CPB2: variants seen among roughly 807,000 people sequenced by gnomAD.
CPB2 encodes carboxypeptidase B2.
A neutral mutation model predicts 57.0 loss-of-function variants in CPB2; 54 were observed. The ratio of observed to expected loss-of-function variants is 0.95; its 90% CI spans 0.76 to 1.19. The LOEUF (loss-of-function observed/expected upper bound fraction) is 1.19. Ranked by LOEUF, CPB2 falls within the 50% of genes most tolerant of loss-of-function variation. The pLI, the probability that CPB2 is intolerant of heterozygous loss-of-function variation, is 0.00. For missense variants in CPB2, 426 were observed against 512.0 expected, an observed-to-expected ratio of 0.83 and a Z score of 1.62; for synonymous variants, 189 against 178.1, an observed-to-expected ratio of 1.06 and a Z score of -0.49.
intron 6 of CPB2, 54 bp from the exon 7 acceptor site, chr13:46,067,471 AG>A: frequency 1.1e-6 from 1 of 894,908 alleles, no homozygotes; most frequent in Non-Finnish European, 1.8e-6. Context: ...TTCTAAACTT[AG>A]TGTGTTTCTT....
chr13:46,072,929 T>C (rs2044965228), intron 6 of CPB2, among the ~76,000 whole-genome samples: 1 of 152,186 alleles, frequency 6.6e-6, no homozygotes, highest in Admixed American at 6.5e-5. Context: ...GGAATCATCC[T>C]CATTTGGCCA....
chr13:46,065,129 C>T (rs1054154447), intron 7 of CPB2, among the ~76,000 whole-genome samples: 5 of 152,192 alleles, frequency 3.3e-5, no homozygotes, highest in African/African-American at 4.8e-5. Context: ...AACTTTGTGT[C>T]TCAACTGAAC....
chr13:46,064,605 T>C lies in CPB2; in HGVS notation c.796+43A>G, dbSNP rs765802960. 26 of 1,490,240 alleles carry C rather than the reference T, an allele frequency of 1.7e-5. 1 individual carries two copies. In the South Asian group the frequency reaches 2.9e-4, roughly 17 times the overall value. The allele number at this position is 1,490,240 out of a possible 1,614,324, so 92.3% of individuals were successfully genotyped here. A position where few individuals can be genotyped will look rare whatever the true frequency, so the allele number is the denominator to read the frequency against. ...GGGCCTTTCCCTGTGAACATCACCC[T>C]TTCAGTGAAGAGACATTGCAAGAAA... On this transcript the variant is annotated intron_variant, in intron 8 of 10. Coordinates refer to ENST00000181383, the MANE Select transcript of CPB2 (RefSeq NM_001872.5).
intron 1 of CPB2, among the ~76,000 whole-genome samples, chr13:46,102,445 G>A (rs1036862545): frequency 6.6e-6 from 1 of 151,002 alleles, no homozygotes; most frequent in African/African-American, 2.4e-5. Context: ...TGTTGTTCCA[G>A]GGCATTTCAC....
At position 46,053,775 on chromosome 13, in the gene CPB2, C is replaced by T. The variant is rs756837252; in HGVS notation, c.1111G>A (p.Asp371Asn). 1 of 1,613,974 alleles carries T rather than the reference C, an allele frequency of 6.2e-7. No individual in the cohort carries two copies. The highest frequency in any genetic ancestry group is 8.5e-7 in the Non-Finnish European group (1 of 1,179,914). Residue 371 changes from aspartate (D) to asparagine (N), a missense_variant, in exon 11 of 11, where the codon GAT becomes AAT. By Grantham distance (23) the Asp-to-Asn change is conservative (BLOSUM62 1). Coordinates refer to ENST00000181383, the MANE Select transcript of CPB2 (RefSeq NM_001872.5). ...TTGATGCCCAAATCATAGATCCAAT[C>T]GTCCCCACCTCCAGGAGCTAGGTCT... The part of the protein sequence containing the change: ...TLYLAPGGGD[D>N]WIYDLGIKYS...
intron 5 of CPB2, among the ~76,000 whole-genome samples, chr13:46,077,179 AG>A (rs1349885101): frequency 6.6e-6 from 1 of 152,210 alleles, no homozygotes; most frequent in Non-Finnish European, 1.5e-5. Context: ...TCCAGCCAAC[AG>A]GGACTTAATA....
At chr13:46,094,349 C>A (rs1274146682) in intron 1 of CPB2, among the ~76,000 whole-genome samples, 1 of 152,348 alleles carries the variant, frequency 6.6e-6, no homozygotes, top group Non-Finnish European at 1.5e-5. Context: ...AAGGAACTAA[C>A]TAGAATGTTA....
At chr13:46,085,175 C>A (rs2045183772) in intron 2 of CPB2, among the ~76,000 whole-genome samples, 1 of 152,114 alleles carries the variant, frequency 6.6e-6, no homozygotes, top group Non-Finnish European at 1.5e-5. Flanking sequence ...ACACTCATTT[C>A]CTTTGATATT....
intron 8 of CPB2, among the ~76,000 whole-genome samples, chr13:46,063,632 T>C (rs1258111795): frequency 6.6e-6 from 1 of 152,176 alleles, no homozygotes; most frequent in Non-Finnish European, 1.5e-5. Context: ...AATGAACATA[T>C]GATTGCATGT....
chr13:46,084,427 T>C (rs775061486), intron 2 of CPB2, 84 bp from the exon 3 acceptor site: 254 of 1,482,590 alleles, frequency 1.7e-4, no homozygotes, highest in Non-Finnish European at 2.3e-4. Context: ...ATGACAGTTT[T>C]ATCTATAAGG....
chr13:46,085,334 G>A lies in CPB2; in HGVS notation c.151-991C>T, dbSNP rs540058010. Among the ~76,000 whole-genome samples the A allele has an allele frequency of 5.3e-5, 8 of 152,306 alleles. 1 individual carries two copies. In the South Asian group the frequency reaches 1.7e-3, roughly 32 times the overall value. On this transcript the variant is annotated intron_variant, in intron 2 of 10. Transcript: ENST00000181383. ...TAAATCTCAGATGCTTCCTCTTGTA[G>A]TATTTCCTCTTTACCATGATGTGGT...
chr13:46,077,874 G>A (rs2045047536), intron 5 of CPB2, among the ~76,000 whole-genome samples: 1 of 151,874 alleles, frequency 6.6e-6, no homozygotes, highest in Non-Finnish European at 1.5e-5. Flanking sequence ...CTGATATGGG[G>A]AGTGGAAAAC....
At chr13:46,087,698 CT>C (rs2045231206) in intron 2 of CPB2, 46 bp downstream of exon 2, 2 of 1,309,570 alleles carry the variant, frequency 1.5e-6, no homozygotes, top group Admixed American at 3.5e-5. Flanking sequence ...ACACCCAGTG[CT>C]TATACAAAGT....
intron 1 of CPB2, among the ~76,000 whole-genome samples, chr13:46,096,100 C>T (rs542511303): frequency 3.4e-4 from 52 of 151,890 alleles, no homozygotes; most frequent in Middle Eastern, 3.4e-3. Flanking sequence ...AGGCTGGTCT[C>T]GAACTCCTGA....
intron 3 of CPB2, among the ~76,000 whole-genome samples, chr13:46,083,742 G>A (rs1280626586): frequency 6.6e-6 from 1 of 152,168 alleles, no homozygotes. Flanking sequence ...AGGTGGTAAG[G>A]GGCAGTGCCA....
Position 46,078,261 on chromosome 13 carries a change from T to A in CPB2, c.486+539A>T, listed in dbSNP as rs113537993. 7.1e-3 allele frequency among the ~76,000 whole-genome samples: 1,077 copies of A among 152,342 alleles called. 5 individuals are homozygous for A. The highest frequency in any genetic ancestry group is 0.012 in the Non-Finnish European group (817 of 68,024). On this transcript the variant is annotated intron_variant, in intron 5 of 10. Coordinates refer to ENST00000181383, the MANE Select transcript of CPB2 (RefSeq NM_001872.5). ...CATCAAAAAGCTGCACCACTTTTTT[T>A]AATTTTTAATTTTATTTTTTCAAGT...
chr13:46,074,595 C>A (rs1328097878), intron 5 of CPB2, among the ~76,000 whole-genome samples: 2 of 152,146 alleles, frequency 1.3e-5, no homozygotes, highest in Non-Finnish European at 2.9e-5. Flanking sequence ...CAATAATAGC[C>A]TTTGATGTCT....
At chr13:46,074,387 C>T (rs962153746) in intron 5 of CPB2, among the ~76,000 whole-genome samples, 2 of 151,900 alleles carry the variant, frequency 1.3e-5, no homozygotes, top group Non-Finnish European at 2.9e-5. Context: ...GAGACACACC[C>T]AGAGCAAAAA....
intron 3 of CPB2, among the ~76,000 whole-genome samples, chr13:46,083,261 T>G (rs1217049254): frequency 3.9e-5 from 6 of 152,332 alleles, no homozygotes; most frequent in Admixed American, 2.0e-4. Flanking sequence ...CTCTGCCATG[T>G]TCTTTCTGAT....
Sources: gnomAD v4.1 joint callset for allele counts (sites outside exome capture counted in the v4.1 genomes callset) on GRCh38, gnomAD v4.1.1 for gene constraint, MANE v1.5 for transcripts, NCBI Gene and HGNC (gene_info 2026-07-23, HGNC 2026-07-21) for gene names.